Variants in COG5 observed in about 807,000 individuals in gnomAD.
COG5 encodes the protein conserved oligomeric Golgi complex subunit 5.
A neutral mutation model predicts 110.4 loss-of-function variants in COG5; 86 were observed. That is an observed-to-expected ratio of 0.78 (90% CI 0.65 to 0.93). The LOEUF (loss-of-function observed/expected upper bound fraction) is 0.93. Among genes scored for constraint, COG5 ranks in the 40% least tolerant of loss-of-function variants. The probability of loss-of-function intolerance (pLI) is 0.00; values close to 1 mark genes in which losing one functional copy is unlikely to be tolerated. For synonymous variants in COG5, 360 were observed against 334.6 expected, an observed-to-expected ratio of 1.08 and a Z score of -0.83; for missense variants, 1,077 against 987.0, an observed-to-expected ratio of 1.09 and a Z score of -1.22.
rs779097481 is a variant in COG5, at chr7:107,563,865, G to A, written c.32C>T (p.Ala11Val). The A allele has an allele frequency of 6.2e-6, 10 of 1,613,674 alleles. No homozygotes were observed. The highest frequency in any genetic ancestry group is 7.6e-6 in the Non-Finnish European group (9 of 1,179,962). The change falls in exon 1 of 22, where the codon GCT becomes GTT. Residue 11 changes from alanine to valine, a missense_variant. Transcript: ENST00000297135. ...TCCAGAGCCTCGAGCTCCGAGGCCA[G>A]CTACAGCGACGCTGCCGCCGCCACC... is the stretch of plus-strand genomic sequence containing the variant. MEGGGGSVAV[A>V]GLGARGSGAA... is the part of the protein sequence containing the mutation.
At chr7:107,562,481 C>T (rs1803918449) in intron 1 of COG5, among the ~76,000 whole-genome samples, 3 of 152,182 alleles carry the variant, frequency 2.0e-5, no homozygotes, top group African/African-American at 4.8e-5. Context: ...TGCAATCCTA[C>T]TGCTATCTTA....
chr7:107,277,989 C>T (rs911194627), intron 14 of COG5, among the ~76,000 whole-genome samples: 3 of 151,968 alleles, frequency 2.0e-5, no homozygotes, highest in Non-Finnish European at 4.4e-5. Flanking sequence ...CTTGAAAAAA[C>T]CTTTTATAAG....
intron 13 of COG5, 152 bp downstream of exon 13, chr7:107,283,419 T>C (rs1001807242): frequency 9.5e-6 from 6 of 634,392 alleles, no homozygotes; most frequent in African/African-American, 1.8e-5. Flanking sequence ...GTACTTACTA[T>C]GTGTGCACTC....
intron 6 of COG5, among the ~76,000 whole-genome samples, chr7:107,454,506 T>C (rs999440868): frequency 6.6e-6 from 1 of 152,244 alleles, no homozygotes; most frequent in East Asian, 1.9e-4. Context: ...GTATTTTTTA[T>C]ATAAATGGAC....
intron 14 of COG5, among the ~76,000 whole-genome samples, chr7:107,266,400 A>G (rs1287877914): frequency 6.6e-6 from 1 of 152,176 alleles, no homozygotes; most frequent in Non-Finnish European, 1.5e-5. Context: ...AACCATTGTA[A>G]ATGTTCACAA....
Position 107,558,063 on chromosome 7 carries a change from A to C in COG5, c.147T>G (p.Ser49=), listed in dbSNP as rs1315522505. Residue 49 remains serine, a synonymous_variant, in exon 2 of 22, where the codon TCT becomes TCG. Transcript: ENST00000297135. ...CAATTACAGCTTGATGAATAGATTG[A>C]GAAGTATAAGTCTTTACATCAAAGT... ...NEDFDVKTYT[S]QSIHQAVIAE... 6.2e-7 allele frequency: 1 copy of C among 1,613,984 alleles called. No homozygotes were observed. Among genetic ancestry groups the C allele is most frequent in the Admixed American group, 1.7e-5 (1 of 60,032 alleles).
At chr7:107,355,703 T>C (rs1281280039) in intron 10 of COG5, among the ~76,000 whole-genome samples, 1 of 152,182 alleles carries the variant, frequency 6.6e-6, no homozygotes, top group South Asian at 2.1e-4. Context: ...TCCAATTACA[T>C]GACATTTTGA....
intron 6 of COG5, among the ~76,000 whole-genome samples, chr7:107,428,827 C>T (rs543657485): frequency 1.3e-5 from 2 of 152,334 alleles, no homozygotes; most frequent in Admixed American, 6.5e-5. Flanking sequence ...TAATCTTCTA[C>T]ACAACACTCA....
chr7:107,306,203 A>C (rs1351496201), intron 11 of COG5, among the ~76,000 whole-genome samples: 1 of 152,202 alleles, frequency 6.6e-6, no homozygotes. Flanking sequence ...ATAATTGTCT[A>C]GAGTATTATT....
intron 11 of COG5, 116 bp from the exon 12 acceptor site, chr7:107,298,462 T>G (rs1470422412): frequency 1.6e-5 from 11 of 678,300 alleles, no homozygotes; most frequent in East Asian, 2.7e-5. Context: ...CAAAGACGTG[T>G]TCTAATGAGG....
chr7:107,502,981 T>C (rs933047420), intron 6 of COG5, among the ~76,000 whole-genome samples: 49 of 152,294 alleles, frequency 3.2e-4, no homozygotes, highest in African/African-American at 1.2e-3. Context: ...ATTTTGACAA[T>C]TATTTCTTTT....
At chr7:107,215,333 T>A (rs1037683032) in intron 19 of COG5, among the ~76,000 whole-genome samples, 5 of 152,118 alleles carry the variant, frequency 3.3e-5, no homozygotes, top group African/African-American at 7.2e-5. Flanking sequence ...AGCAATAAAA[T>A]CTCCATTTGT....
intron 6 of COG5, among the ~76,000 whole-genome samples, chr7:107,445,126 A>C (rs1178991146): frequency 6.6e-6 from 1 of 152,032 alleles, no homozygotes; most frequent in Admixed American, 6.6e-5. Flanking sequence ...TCCTGAGCCC[A>C]GGAGCTCGAA....
chr7:107,547,085 C>G (rs778244156), intron 5 of COG5, among the ~76,000 whole-genome samples: 5 of 152,140 alleles, frequency 3.3e-5, no homozygotes, highest in Non-Finnish European at 7.4e-5. Flanking sequence ...AAGAAAATTA[C>G]AGGTCAATAT....
Position 107,368,322 on chromosome 7 carries a change from C to T in COG5, c.835+4273G>A, listed in dbSNP as rs1813812944. ...AATACTTTTTATTTTAAAAAGTATA[C>T]TTCTAAAACTGGTGGGGCTAAACTA... On this transcript the variant is annotated intron_variant, in intron 8 of 21. Coordinates refer to ENST00000297135, the MANE Select transcript of COG5 (RefSeq NM_006348.5). 2.0e-5 allele frequency among the ~76,000 whole-genome samples: 3 copies of T among 151,892 alleles called. No homozygotes were observed. The South Asian group carries it at 6.2e-4, about 32-fold the overall frequency.
rs756358916 is a variant in COG5 at position 107,294,881 on chromosome 7, TTGTGTGTGTGTGTGTG to T, written c.1313+3245_1313+3260del. ...TAGGCATGTGCCACCATGCCTGGAT[TTGTGTGTGTGTGTGTG>T]TGTGTGTGTGTGTGTGTGTGTGTGT... is the stretch of plus-strand genomic sequence containing the variant. On this transcript the variant is annotated intron_variant, in intron 12 of 21. Transcript: ENST00000297135. Among the ~76,000 whole-genome samples the T allele has an allele frequency of 5.3e-3, 503 of 94,258 alleles. 8 individuals are homozygous for T. The highest frequency in any genetic ancestry group is 0.012 in the Middle Eastern group (2 of 164). 61.8% of individuals were successfully genotyped at this position (94,258 alleles called of 152,430 possible). A position where few individuals can be genotyped will look rare whatever the true frequency, so the allele number is the denominator to read the frequency against.
chr7:107,496,672 A>C (rs1374430361), intron 6 of COG5, among the ~76,000 whole-genome samples: 5 of 151,528 alleles, frequency 3.3e-5, no homozygotes, highest in Non-Finnish European at 4.4e-5. Flanking sequence ...AAAAAACAAA[A>C]AACAAAAAAC....
chr7:107,308,102 A>T (rs1460786602), intron 11 of COG5, among the ~76,000 whole-genome samples: 1 of 152,092 alleles, frequency 6.6e-6, no homozygotes, highest in South Asian at 2.1e-4. Context: ...CTCTCATTTT[A>T]TTCTTTTTCA....
intron 6 of COG5, among the ~76,000 whole-genome samples, chr7:107,490,596 A>G (rs1425874592): frequency 1.3e-5 from 2 of 152,302 alleles, no homozygotes; most frequent in South Asian, 4.1e-4. Flanking sequence ...ATTTCTAAAG[A>G]AAGAAAACAG....
Sources: gnomAD v4.1 joint callset for allele counts (sites outside exome capture counted in the v4.1 genomes callset) on GRCh38, gnomAD v4.1.1 for gene constraint, MANE v1.5 for transcripts, NCBI Gene and HGNC (gene_info 2026-07-23, HGNC 2026-07-21) for gene names.